The following DDX6 variants were observed in gnomAD, a reference collection of about 807,000 sequenced individuals.
The protein encoded by DDX6 is probable ATP-dependent RNA helicase DDX6.
In DDX6, 7 loss-of-function variants were observed where a neutral mutation model predicts 60.6. That is an observed-to-expected ratio of 0.12 (90% CI 0.07 to 0.22). The LOEUF (loss-of-function observed/expected upper bound fraction) is 0.22. Among genes scored for constraint, DDX6 ranks in the 10% least tolerant of loss-of-function variants. The probability of loss-of-function intolerance (pLI) is 1.00; values close to 1 mark genes in which losing one functional copy is unlikely to be tolerated. For missense variants in DDX6, 270 were observed against 589.9 expected (o/e 0.46, Z 5.62); for synonymous variants, 207 against 201.0 (o/e 1.03, Z -0.25).
rs1210646934 is a variant in DDX6 at position 118,750,197 on chromosome 11, T to A, written c.*1908A>T. On this transcript the variant is annotated 3_prime_UTR_variant, in exon 14 of 14. Coordinates refer to ENST00000534980, the MANE Select transcript of DDX6 (RefSeq NM_004397.6). The stretch of plus-strand genomic sequence containing the variant: ...TTTTTTAATTTTGTTTTTTGCTTTT[T>A]TCCCCCCCTTTCCAGATGCCTCCTG... 6.6e-6 allele frequency: 1 copy of A among 152,562 alleles called. No homozygotes were observed. Among genetic ancestry groups the A allele is most frequent in the Admixed American group, 6.6e-5 (1 of 15,260 alleles). The allele number at this position is 152,562 out of a possible 1,614,324, so 9.5% of individuals were successfully genotyped here. A position where few individuals can be genotyped will look rare whatever the true frequency, so the allele number is the denominator to read the frequency against.
chr11:118,790,182 GGAAA>G (rs1466308282), intron 1 of DDX6: 1 of 152,102 alleles, frequency 6.6e-6, no homozygotes, highest in Non-Finnish European at 1.5e-5. Flanking sequence ...GAGAGATACG[GGAAA>G]GAGTCATTGA....
At chr11:118,788,873 G>A (rs562022438) in intron 1 of DDX6, 2 of 152,018 alleles carry the variant, frequency 1.3e-5, no homozygotes, top group East Asian at 1.9e-4. Flanking sequence ...TAGACACGGG[G>A]TGTTATCAAG....
At chr11:118,757,345 C>G in intron 9 of DDX6, 58 bp from the exon 10 acceptor site, 9 of 972,418 alleles carry the variant, frequency 9.3e-6, no homozygotes, top group Admixed American at 3.5e-5. Context: ...TTTGGTTTGC[C>G]AAATCTTGAA....
chr11:118,747,932 A>G lies in DDX6; in HGVS notation c.*4173T>C, dbSNP rs1298026823. ...CCCCCCCCCACTGGAACATCTGCCA[A>G]TTAAGAGAAAGCCAATTTTCCCTTC... On this transcript the variant is annotated 3_prime_UTR_variant, in exon 14 of 14. Coordinates refer to ENST00000534980, the MANE Select transcript of DDX6 (RefSeq NM_004397.6). 1 of 122,254 alleles carries G rather than the reference A, an allele frequency of 8.2e-6. No homozygotes were observed. Among genetic ancestry groups the G allele is most frequent in the Non-Finnish European group, 1.6e-5 (1 of 61,464 alleles). 7.6% of individuals were successfully genotyped at this position (122,254 alleles called of 1,614,324 possible). A position where few individuals can be genotyped will look rare whatever the true frequency, so the allele number is the denominator to read the frequency against.
chr11:118,774,128 TC>T, intron 4 of DDX6, among the ~76,000 whole-genome samples: 1 of 152,180 alleles, frequency 6.6e-6, no homozygotes, highest in Non-Finnish European at 1.5e-5. Context: ...TCTTAGAGTT[TC>T]GAAAAAGTCT....
At chr11:118,763,047 T>C (rs1861227986) in intron 7 of DDX6, among the ~76,000 whole-genome samples, 165 bp downstream of exon 7, 1 of 152,170 alleles carries the variant, frequency 6.6e-6, no homozygotes, top group African/African-American at 2.4e-5. Context: ...TATAATCTAC[T>C]CCCTCTGACG....
intron 8 of DDX6, 143 bp from the exon 9 acceptor site, chr11:118,759,045 T>C (rs2137431978): frequency 8.9e-7 from 1 of 1,122,284 alleles, no homozygotes; most frequent in Non-Finnish European, 1.2e-6. Flanking sequence ...AAATATATGA[T>C]CTGTCATTAC....
intron 4 of DDX6, among the ~76,000 whole-genome samples, chr11:118,776,397 T>C (rs187529056): frequency 1.3e-5 from 2 of 152,228 alleles, no homozygotes; most frequent in African/African-American, 2.4e-5. Context: ...TGGGATTTAA[T>C]CTGGGCAGTT....
intron 1 of DDX6, among the ~76,000 whole-genome samples, chr11:118,790,638 A>C (rs1222726985): frequency 6.6e-6 from 1 of 151,284 alleles, no homozygotes; most frequent in Non-Finnish European, 1.5e-5. Context: ...CGATAAAGCT[A>C]CTCCGAGTAC....
In DDX6 at chr11:118,750,684, T is replaced by G. The variant is rs1474850238; in HGVS notation, c.*1421A>C. ...CTGCCACTCAATAGAATTCCTACACTGCAAGGTAGATTAATCTTTGCCCCC... is the reference window on the plus strand; with the variant it reads ...CTGCCACTCAATAGAATTCCTACACGGCAAGGTAGATTAATCTTTGCCCCC... On this transcript the variant is annotated 3_prime_UTR_variant, in exon 14 of 14. Transcript: ENST00000534980. 6.6e-6 allele frequency: 1 copy of G among 152,146 alleles called. No homozygotes were observed. Among genetic ancestry groups the G allele is most frequent in the African/African-American group, 2.4e-5 (1 of 41,440 alleles). The allele number at this position is 152,146 out of a possible 1,614,324, so 9.4% of individuals were successfully genotyped here. A position where few individuals can be genotyped will look rare whatever the true frequency, so the allele number is the denominator to read the frequency against.
rs1860780412 is a variant in DDX6, at chr11:118,751,766, T to A, written c.*339A>T. The A allele has an allele frequency of 2.7e-5, 9 of 333,892 alleles. No homozygotes were observed. In the Admixed American group the frequency reaches 3.9e-4, roughly 14 times the overall value. The allele number at this position is 333,892 out of a possible 1,614,324, so 20.7% of individuals were successfully genotyped here. A position where few individuals can be genotyped will look rare whatever the true frequency, so the allele number is the denominator to read the frequency against. On this transcript the variant is annotated 3_prime_UTR_variant, in exon 14 of 14. Coordinates refer to ENST00000534980, the MANE Select transcript of DDX6 (RefSeq NM_004397.6). The stretch of plus-strand genomic sequence containing the variant: ...AATTTTGAAATCATTGACAAGCTTG[T>A]GTGTTCATTAAGATTCTTCTCTTTT...
intron 1 of DDX6, chr11:118,790,065 C>T (rs1437845954): frequency 1.3e-5 from 2 of 152,194 alleles, no homozygotes; most frequent in African/African-American, 4.8e-5. Context: ...TCATCGCCAA[C>T]AAGAGCTTTT....
At chr11:118,756,186 T>C (rs782177348) in intron 11 of DDX6, 74 bp downstream of exon 11, 21 of 1,187,556 alleles carry the variant, frequency 1.8e-5, no homozygotes, top group South Asian at 3.7e-5. Flanking sequence ...GGTTGCACTA[T>C]GTAATATGAA....
At chr11:118,783,569 G>A (rs528807938) in intron 2 of DDX6, among the ~76,000 whole-genome samples, 24 of 151,812 alleles carry the variant, frequency 1.6e-4, no homozygotes, top group African/African-American at 5.8e-4. Context: ...CTGGGAGGCC[G>A]AGGCAGGCAG....
Position 118,757,231 on chromosome 11 carries a change from T to A in DDX6, c.1050A>T (p.Leu350=). The A allele has an allele frequency of 6.3e-7, 1 of 1,589,526 alleles. No individual in the cohort carries two copies. The highest frequency in any genetic ancestry group is 8.6e-7 in the Non-Finnish European group (1 of 1,169,240). ...FCNSSQRVEL[L]AKKISQLGYS... ...AACCCAGTTGAGAAATCTTCTTGGC[T>A]AGCAATTCAACTCGCTGAGAGGAGT... Residue 350 remains leucine, a synonymous_variant, in exon 10 of 14, where the codon CTA becomes CTT. Transcript: ENST00000534980.
At chr11:118,777,910 A>AAC (rs1861756275) in intron 4 of DDX6, among the ~76,000 whole-genome samples, 2 of 151,036 alleles carry the variant, frequency 1.3e-5, no homozygotes, top group African/African-American at 4.9e-5. Context: ...AAAAAAAAAA[A>AAC]AAAACCAAGA....
chr11:118,752,803 T>C (rs1000110169), intron 13 of DDX6, among the ~76,000 whole-genome samples: 15 of 151,928 alleles, frequency 9.9e-5, no homozygotes, highest in East Asian at 1.9e-4. Context: ...CAAAAGATGA[T>C]AGAGGCAGGG....
In DDX6 at chr11:118,750,239, G is replaced by C. The variant is rs540468560; in HGVS notation, c.*1866C>G. ...TGCCTCCTGATTGACCTAGTACACT[G>C]GGTTAAAAGGGAATTAAAAACATTA... On this transcript the variant is annotated 3_prime_UTR_variant, in exon 14 of 14. Transcript: ENST00000534980. The C allele has an allele frequency of 6.6e-6, 1 of 151,732 alleles. No homozygotes were observed. Among genetic ancestry groups the C allele is most frequent in the Non-Finnish European group, 1.5e-5 (1 of 67,920 alleles). The allele number at this position is 151,732 out of a possible 1,614,324, so 9.4% of individuals were successfully genotyped here. A position where few individuals can be genotyped will look rare whatever the true frequency, so the allele number is the denominator to read the frequency against.
intron 1 of DDX6, chr11:118,790,174 G>C (rs1207196023): frequency 6.6e-5 from 10 of 152,244 alleles, no homozygotes; most frequent in Admixed American, 5.2e-4. Context: ...AGAAAGGAGA[G>C]AGATACGGGA....
Sources: allele counts gnomAD v4.1 joint callset (sites outside exome capture counted in the v4.1 genomes callset), GRCh38; gene constraint gnomAD v4.1.1; transcripts MANE v1.5; gene names NCBI Gene and HGNC (gene_info 2026-07-23, HGNC 2026-07-21).